SLC13A3: variants seen among roughly 807,000 people sequenced by gnomAD.
The protein encoded by SLC13A3 is Na(+)/dicarboxylate cotransporter 3.
A neutral mutation model predicts 59.0 loss-of-function variants in SLC13A3; 40 were observed. The ratio of observed to expected loss-of-function variants is 0.68; its 90% CI spans 0.53 to 0.88. SLC13A3 has a LOEUF of 0.88. Among genes scored for constraint, SLC13A3 ranks in the 40% least tolerant of loss-of-function variants. The pLI, the probability that SLC13A3 is intolerant of heterozygous loss-of-function variation, is 0.00. For synonymous variants in SLC13A3, 317 were observed against 330.3 expected, an observed-to-expected ratio of 0.96 and a Z score of 0.44; for missense variants, 699 against 783.2, an observed-to-expected ratio of 0.89 and a Z score of 1.28.
At chr20:46,656,341 ATATATTATAC>A (rs2062991661), upstream of SLC13A3, among the ~76,000 whole-genome samples, 1 of 108,270 alleles carries the variant, frequency 9.2e-6, no homozygotes, top group East Asian at 2.4e-4. Context: ...ACTATACAGT[ATATATTATAC>A]TGTATATGAT....
chr20:46,626,287 T>C (rs1467273231), intron 1 of SLC13A3, among the ~76,000 whole-genome samples: 2 of 144,984 alleles, frequency 1.4e-5, no homozygotes, highest in East Asian at 2.2e-4. Context: ...TCCTCCTCCC[T>C]TTCTCTCTCT....
At chr20:46,636,149 C>T (rs4438540) in intron 1 of SLC13A3, among the ~76,000 whole-genome samples, 13,096 of 152,194 alleles carry the variant, frequency 0.086, 565 homozygotes, top group African/African-American at 0.099. Flanking sequence ...TGTTTTTTCA[C>T]TTCTCTCATA....
At chr20:46,597,530 G>C (rs933009371) in intron 4 of SLC13A3, among the ~76,000 whole-genome samples, 4 of 152,032 alleles carry the variant, frequency 2.6e-5, no homozygotes, top group African/African-American at 9.7e-5. Context: ...TCTGCCTCCC[G>C]GGTTCAAGCG....
At chr20:46,601,579 C>T (rs554919376) in intron 3 of SLC13A3, among the ~76,000 whole-genome samples, 1 of 152,260 alleles carries the variant, frequency 6.6e-6, no homozygotes, top group African/African-American at 2.4e-5. Context: ...AGACCACACA[C>T]GACTAAGTAA....
chr20:46,600,310 A>G (rs199887106), intron 3 of SLC13A3, among the ~76,000 whole-genome samples: 2,192 of 58,342 alleles, frequency 0.038, 29 homozygotes, highest in African/African-American at 0.067. Context: ...AAAGAAAGAA[A>G]GAGGGAAGGA....
At chr20:46,647,973 G>A (rs576899590) in intron 1 of SLC13A3, among the ~76,000 whole-genome samples, 4 of 152,254 alleles carry the variant, frequency 2.6e-5, no homozygotes, top group African/African-American at 9.6e-5. Flanking sequence ...CATTCATGGC[G>A]CCAGAATATC....
chr20:46,639,323 G>A (rs563375903), intron 1 of SLC13A3, among the ~76,000 whole-genome samples: 8 of 152,094 alleles, frequency 5.3e-5, no homozygotes, highest in Non-Finnish European at 8.8e-5. Flanking sequence ...TTAGCCTGGC[G>A]TGGTGGCAGG....
chr20:46,566,368 A>G lies in SLC13A3; in HGVS notation c.1355T>C (p.Ile452Thr), dbSNP rs1427202456. 1 of 1,613,130 alleles carries G rather than the reference A, an allele frequency of 6.2e-7. No individual in the cohort carries two copies. The highest frequency in any genetic ancestry group is 1.7e-5 in the Admixed American group (1 of 59,956). ...CTCCAGGGGGTGCAGCTGCCCACCA[A>G]TCCATACAGACAGCCCCGATTCCTG... The part of the protein sequence containing the change: ...GCEESGLSVW[I>T]GGQLHPLENV... Residue 452 changes from isoleucine to threonine, a missense_variant, in exon 11 of 13, where the codon ATT becomes ACT. Coordinates refer to ENST00000279027, the MANE Select transcript of SLC13A3 (RefSeq NM_022829.6).
chr20:46,667,432 A>T (rs1189202390), intron 1 of SLC13A3, among the ~76,000 whole-genome samples: 1 of 152,206 alleles, frequency 6.6e-6, no homozygotes, highest in African/African-American at 2.4e-5. Flanking sequence ...AGAGATTAAG[A>T]GTACAATATT....
chr20:46,573,745 C>T (rs1479432356), intron 10 of SLC13A3, among the ~76,000 whole-genome samples: 2 of 152,188 alleles, frequency 1.3e-5, no homozygotes, highest in African/African-American at 4.8e-5. Context: ...AGAAACCTGC[C>T]TGACGTGTCC....
At chr20:46,674,604 C>CGCGCGCGTGT (rs370861850), upstream of SLC13A3, among the ~76,000 whole-genome samples, 186 of 127,926 alleles carry the variant, frequency 1.5e-3, 1 homozygote, top group African/African-American at 4.5e-3. Context: ...CGCGCGCGCG[C>CGCGCGCGTGT]GTGTGTGTGT....
intron 3 of SLC13A3, among the ~76,000 whole-genome samples, chr20:46,605,552 A>C (rs2062430078): frequency 6.6e-6 from 1 of 152,210 alleles, no homozygotes; most frequent in African/African-American, 2.4e-5. Flanking sequence ...AGCTGTCTCC[A>C]AGCAGCCTTA....
chr20:46,622,077 G>A (rs1018082539), intron 1 of SLC13A3, among the ~76,000 whole-genome samples: 13 of 152,154 alleles, frequency 8.5e-5, no homozygotes, highest in African/African-American at 3.1e-4. Flanking sequence ...CTGAGAAGAC[G>A]GACCCCATTG....
chr20:46,680,693 G>A (rs945152731), intron 1 of SLC13A3, among the ~76,000 whole-genome samples: 17 of 152,314 alleles, frequency 1.1e-4, no homozygotes, highest in Non-Finnish European at 2.1e-4. Context: ...CAGAGCTCCC[G>A]CAGAATTGAC....
chr20:46,569,910 G>C (rs1189346470), intron 10 of SLC13A3, among the ~76,000 whole-genome samples: 1 of 152,116 alleles, frequency 6.6e-6, no homozygotes, highest in Non-Finnish European at 1.5e-5. Context: ...TATGGCATAA[G>C]TTCAATATTT....
intron 1 of SLC13A3, among the ~76,000 whole-genome samples, chr20:46,628,764 T>A (rs1456095986): frequency 6.6e-6 from 1 of 152,244 alleles, no homozygotes; most frequent in Admixed American, 6.5e-5. Context: ...ACTAGCCACA[T>A]TTCAGGTGCT....
At chr20:46,609,989 C>G (rs942782627) in intron 3 of SLC13A3, among the ~76,000 whole-genome samples, 1 of 152,202 alleles carries the variant, frequency 6.6e-6, no homozygotes, top group Non-Finnish European at 1.5e-5. Context: ...CTCTTTCTAG[C>G]AGTACACGAA....
At chr20:46,668,064 C>T (rs959083556) in intron 1 of SLC13A3, among the ~76,000 whole-genome samples, 1 of 152,180 alleles carries the variant, frequency 6.6e-6, no homozygotes, top group East Asian at 1.9e-4. Context: ...CTCTCCCTCT[C>T]CTCAGGCCTC....
chr20:46,578,181 C>T (rs988810410), intron 9 of SLC13A3, among the ~76,000 whole-genome samples: 3 of 151,578 alleles, frequency 2.0e-5, no homozygotes, highest in Non-Finnish European at 4.4e-5. Context: ...CCGCCCGCCT[C>T]GGCCTCCCAA....
Sources: gnomAD v4.1 joint callset for allele counts (sites outside exome capture counted in the v4.1 genomes callset) on GRCh38, gnomAD v4.1.1 for gene constraint, MANE v1.5 for transcripts, NCBI Gene and HGNC (gene_info 2026-07-23, HGNC 2026-07-21) for gene names.